The following COL25A1 variants were observed in gnomAD, a reference collection of about 807,000 sequenced individuals.
COL25A1 encodes the protein collagen alpha-1(XXV) chain.
A neutral mutation model predicts 128.4 loss-of-function variants in COL25A1; 103 were observed. That is an observed-to-expected ratio of 0.80 (90% CI 0.68 to 0.94). COL25A1 has a LOEUF of 0.94. Ranked by LOEUF, COL25A1 falls within the 40% of genes least tolerant of loss-of-function variation. COL25A1 has a pLI of 0.00. For missense variants in COL25A1, 745 were observed against 840.0 expected (o/e 0.89, Z 1.40); for synonymous variants, 279 against 277.2 (o/e 1.01, Z -0.06).
At chr4:109,237,016 T>C (rs1779525133) in intron 3 of COL25A1, among the ~76,000 whole-genome samples, 1 of 152,092 alleles carries the variant, frequency 6.6e-6, no homozygotes, top group Non-Finnish European at 1.5e-5. Flanking sequence ...CTCATAAGCA[T>C]GTAAAATTAA....
intron 8 of COL25A1, among the ~76,000 whole-genome samples, chr4:108,951,665 C>T (rs1236291817): frequency 1.3e-5 from 2 of 152,182 alleles, no homozygotes; most frequent in African/African-American, 4.8e-5. Flanking sequence ...GGATTACAGG[C>T]GTAAGCCACC....
At chr4:108,983,795 T>C (rs879194891) in intron 6 of COL25A1, among the ~76,000 whole-genome samples, 2 of 151,574 alleles carry the variant, frequency 1.3e-5, no homozygotes, top group African/African-American at 2.4e-5. Flanking sequence ...TCTCGCTGGC[T>C]TCAGGAGTGA....
In COL25A1 at chr4:108,975,211, T is replaced by C. The variant is rs1305208198; in HGVS notation, c.439-652A>G. ...GGCTCATGCCTGTAATCCCAGCACT[T>C]GGGGAGGCCAAAGCGGGTGGATCAC... On this transcript the variant is annotated intron_variant, in intron 6 of 37. Transcript: ENST00000399132. Among the ~76,000 whole-genome samples the C allele has an allele frequency of 2.6e-5, 4 of 152,222 alleles. No individual in the cohort carries two copies. The South Asian group carries it at 6.2e-4, about 24-fold the overall frequency.
At chr4:108,994,005 G>T (rs1754493982) in intron 6 of COL25A1, among the ~76,000 whole-genome samples, 3 of 152,150 alleles carry the variant, frequency 2.0e-5, no homozygotes, top group African/African-American at 4.8e-5. Flanking sequence ...GGCCAAATAG[G>T]AACAGCTCTG....
intron 31 of COL25A1, among the ~76,000 whole-genome samples, chr4:108,836,987 G>A (rs1560723211): frequency 6.6e-6 from 1 of 152,038 alleles, no homozygotes; most frequent in East Asian, 1.9e-4. Context: ...GCTGAGGCAC[G>A]AGAATTGCTT....
chr4:108,938,473 G>C (rs1344440196), intron 10 of COL25A1, among the ~76,000 whole-genome samples: 2 of 152,138 alleles, frequency 1.3e-5, no homozygotes, highest in Non-Finnish European at 2.9e-5. Flanking sequence ...AGCTATTTGG[G>C]AGGCTGAGGC....
At chr4:109,216,134 T>C (rs1413360421) in intron 3 of COL25A1, among the ~76,000 whole-genome samples, 1 of 152,140 alleles carries the variant, frequency 6.6e-6, no homozygotes, top group Non-Finnish European at 1.5e-5. Flanking sequence ...CACTTGTCTA[T>C]TGACTTAGAA....
chr4:109,263,108 G>A (rs1182577939), intron 3 of COL25A1, among the ~76,000 whole-genome samples: 2 of 150,494 alleles, frequency 1.3e-5, no homozygotes, highest in Non-Finnish European at 2.9e-5. Context: ...CAGCCTGGGC[G>A]ACAGAGCAAG....
intron 3 of COL25A1, among the ~76,000 whole-genome samples, chr4:109,135,872 T>C (rs190710511): frequency 6.6e-6 from 1 of 152,322 alleles, no homozygotes; most frequent in African/African-American, 2.4e-5. Context: ...GATCCATATA[T>C]AGAGAACATA....
chr4:109,001,372 C>CAGGCATCTGAGATCCTGTCTGGT, intron 6 of COL25A1, among the ~76,000 whole-genome samples: 1 of 24,230 alleles, frequency 4.1e-5, no homozygotes, highest in East Asian at 1.6e-3. Flanking sequence ...TTAAAAGAAA[C>CAGGCATCTGAGATCCTGTCTGGT]AGGCATCTGA....
At chr4:109,264,206 T>C (rs1781640472) in intron 3 of COL25A1, among the ~76,000 whole-genome samples, 1 of 151,772 alleles carries the variant, frequency 6.6e-6, no homozygotes, top group Admixed American at 6.6e-5. Flanking sequence ...GGCCAAAAAG[T>C]TGAAAAAAGA....
intron 11 of COL25A1, among the ~76,000 whole-genome samples, chr4:108,922,294 T>C (rs1245298609): frequency 2.6e-5 from 4 of 152,210 alleles, no homozygotes; most frequent in Admixed American, 2.0e-4. Context: ...TTTATCATTG[T>C]CTATGATTCC....
intron 33 of COL25A1, among the ~76,000 whole-genome samples, chr4:108,825,753 T>C (rs1732300061): frequency 6.6e-6 from 1 of 152,232 alleles, no homozygotes; most frequent in African/African-American, 2.4e-5. Flanking sequence ...GTAAAGAATG[T>C]AGAAATACAG....
chr4:109,089,613 AT>A (rs893843968), intron 3 of COL25A1, among the ~76,000 whole-genome samples: 9 of 150,284 alleles, frequency 6.0e-5, no homozygotes, highest in South Asian at 2.1e-4. Context: ...TTTTAAAAAT[AT>A]TTTTTTTTTG....
intron 6 of COL25A1, among the ~76,000 whole-genome samples, chr4:109,009,054 G>A (rs1437018178): frequency 1.3e-5 from 2 of 152,122 alleles, no homozygotes; most frequent in Non-Finnish European, 2.9e-5. Flanking sequence ...CCCGGGAGGC[G>A]GAAGTTGCAG....
intron 37 of COL25A1, among the ~76,000 whole-genome samples, chr4:108,816,714 G>T (rs1217956588): frequency 2.6e-5 from 4 of 152,070 alleles, no homozygotes; most frequent in African/African-American, 4.8e-5. Flanking sequence ...TTCCTCATCT[G>T]CATCACTGAG....
chr4:108,921,441 T>A (rs1412337670), intron 11 of COL25A1, among the ~76,000 whole-genome samples: 1 of 152,200 alleles, frequency 6.6e-6, no homozygotes, highest in Non-Finnish European at 1.5e-5. Flanking sequence ...TTCTTCCAGT[T>A]CTTTCAAAAA....
intron 3 of COL25A1, among the ~76,000 whole-genome samples, chr4:109,149,697 C>A (rs1771284749): frequency 6.6e-6 from 1 of 152,078 alleles, no homozygotes; most frequent in South Asian, 2.1e-4. Context: ...TGGCACAGTG[C>A]TACTTGTATT....
At chr4:108,915,285 A>G (rs1475647581) in intron 13 of COL25A1, among the ~76,000 whole-genome samples, 3 of 152,238 alleles carry the variant, frequency 2.0e-5, no homozygotes, top group African/African-American at 4.8e-5. Context: ...GCCATCACCT[A>G]TTTTGCCAAC....
Sources: allele counts gnomAD v4.1 joint callset (sites outside exome capture counted in the v4.1 genomes callset), GRCh38; gene constraint gnomAD v4.1.1; transcripts MANE v1.5; gene names NCBI Gene and HGNC (gene_info 2026-07-23, HGNC 2026-07-21).